CADPS2: variants seen among roughly 807,000 people sequenced by gnomAD.
CADPS2 encodes the protein calcium-dependent secretion activator 2.
CADPS2 carries 93 observed loss-of-function variants against 172.5 expected under a neutral mutation model. The ratio of observed to expected loss-of-function variants is 0.54; its 90% CI spans 0.46 to 0.64. CADPS2 has a LOEUF of 0.64. Among genes scored for constraint, CADPS2 ranks in the 30% least tolerant of loss-of-function variants. CADPS2 has a pLI of 0.00. For synonymous variants in CADPS2, 546 were observed against 555.2 expected (o/e 0.98, Z 0.23); for missense variants, 1,420 against 1,565.9 (o/e 0.91, Z 1.57).
chr7:122,732,303 A>C (rs73222408), intron 2 of CADPS2, among the ~76,000 whole-genome samples: 5,961 of 151,610 alleles, frequency 0.039, 185 homozygotes, highest in South Asian at 0.067. Flanking sequence ...CGAATATCTG[A>C]AGGTACAACC....
At chr7:122,533,423 C>T (rs1211638739) in intron 8 of CADPS2, among the ~76,000 whole-genome samples, 1 of 152,064 alleles carries the variant, frequency 6.6e-6, no homozygotes, top group African/African-American at 2.4e-5. Context: ...TCAGAAAATA[C>T]TCTTCTATTT....
chr7:122,366,100 GTT>G (rs769272635), intron 25 of CADPS2, among the ~76,000 whole-genome samples: 1 of 141,808 alleles, frequency 7.1e-6, no homozygotes. Flanking sequence ...TAGCTGTTTT[GTT>G]TTTTTTTTTG....
At chr7:122,881,556 T>G (rs1822940086) in intron 1 of CADPS2, among the ~76,000 whole-genome samples, 1 of 152,166 alleles carries the variant, frequency 6.6e-6, no homozygotes, top group African/African-American at 2.4e-5. Flanking sequence ...ACAACCCATC[T>G]CTTCTGTACT....
At chr7:122,578,819 T>G (rs1026128833) in intron 7 of CADPS2, among the ~76,000 whole-genome samples, 2 of 152,172 alleles carry the variant, frequency 1.3e-5, no homozygotes, top group South Asian at 4.1e-4. Flanking sequence ...TTATGTGAAA[T>G]GATGGTGCTT....
intron 5 of CADPS2, among the ~76,000 whole-genome samples, chr7:122,616,744 T>A (rs972910734): frequency 6.6e-6 from 1 of 152,106 alleles, no homozygotes; most frequent in South Asian, 2.1e-4. Flanking sequence ...TGGGATGAAA[T>A]ACTAAATCTT....
At chr7:122,660,997 A>G (rs79781984) in intron 3 of CADPS2, among the ~76,000 whole-genome samples, 1,871 of 152,320 alleles carry the variant, frequency 0.012, 41 homozygotes, top group African/African-American at 0.043. Context: ...AAAAGTAAAC[A>G]GATGGAGAAA....
intron 17 of CADPS2, chr7:122,427,098 T>G (rs942760770): frequency 6.6e-6 from 1 of 151,562 alleles, no homozygotes; most frequent in Non-Finnish European, 1.5e-5. Flanking sequence ...AGGAACAAAC[T>G]GAAGAAGACA....
chr7:122,555,540 C>G (rs1403558885), intron 7 of CADPS2, among the ~76,000 whole-genome samples: 1 of 151,978 alleles, frequency 6.6e-6, no homozygotes, highest in East Asian at 1.9e-4. Context: ...AAGCCATAAA[C>G]CTGAAGTTTA....
At chr7:122,353,852 GTTT>G (rs905823452) in intron 27 of CADPS2, among the ~76,000 whole-genome samples, 1 of 152,034 alleles carries the variant, frequency 6.6e-6, no homozygotes, top group Non-Finnish European at 1.5e-5. Flanking sequence ...GCTCCCACTT[GTTT>G]TTAGTCATTG....
intron 12 of CADPS2, among the ~76,000 whole-genome samples, chr7:122,475,063 A>G (rs889077576): frequency 3.9e-5 from 6 of 152,172 alleles, no homozygotes; most frequent in Non-Finnish European, 7.3e-5. Context: ...AGGGAGCATC[A>G]TGTTTGCGCA....
intron 2 of CADPS2, among the ~76,000 whole-genome samples, chr7:122,696,065 CA>C (rs1331470810): frequency 1.3e-5 from 2 of 152,140 alleles, no homozygotes; most frequent in Non-Finnish European, 2.9e-5. Context: ...TTTTCTTGGA[CA>C]AATGGTAGAA....
chr7:122,377,845 G>A (rs1358299017), intron 25 of CADPS2, among the ~76,000 whole-genome samples: 1 of 152,082 alleles, frequency 6.6e-6, no homozygotes, highest in East Asian at 1.9e-4. Flanking sequence ...ACAAAAATAA[G>A]CTGGTGAGGT....
At chr7:122,749,602 G>C (rs1029083647) in intron 1 of CADPS2, among the ~76,000 whole-genome samples, 1 of 151,944 alleles carries the variant, frequency 6.6e-6, no homozygotes, top group Non-Finnish European at 1.5e-5. Flanking sequence ...ATTAGTTATT[G>C]CATTTATATT....
At chr7:122,519,766 A>G (rs1256264373) in intron 8 of CADPS2, among the ~76,000 whole-genome samples, 2 of 152,066 alleles carry the variant, frequency 1.3e-5, no homozygotes, top group African/African-American at 2.4e-5. Flanking sequence ...TTTTGATTAT[A>G]TATTTAATAT....
chr7:122,541,888 C>T lies in CADPS2; in HGVS notation c.1475+12662G>A, dbSNP rs568955851. Among the ~76,000 whole-genome samples the T allele has an allele frequency of 7.7e-3, 1,060 of 138,192 alleles. 12 individuals are homozygous for T. The highest frequency in any genetic ancestry group is 0.027 in the African/African-American group (996 of 36,638). The allele number at this position is 138,192 out of a possible 152,430, so 90.7% of individuals were successfully genotyped here. ...ATATGCATATATATTTATATATATT[C>T]ATATATATTTATATATTCATATATA... is the stretch of plus-strand genomic sequence containing the variant. On this transcript the variant is annotated intron_variant, in intron 8 of 29. Transcript: ENST00000449022.
At chr7:122,841,845 A>G (rs913929096) in intron 1 of CADPS2, among the ~76,000 whole-genome samples, 1 of 152,214 alleles carries the variant, frequency 6.6e-6, no homozygotes, top group African/African-American at 2.4e-5. Flanking sequence ...CCTAACTCCT[A>G]TTAGAGGTAG....
At chr7:122,489,035 C>T (rs2058074112) in intron 11 of CADPS2, among the ~76,000 whole-genome samples, 1 of 151,926 alleles carries the variant, frequency 6.6e-6, no homozygotes, top group Non-Finnish European at 1.5e-5. Flanking sequence ...GACAATGCTA[C>T]TAATTTTAAA....
intron 1 of CADPS2, among the ~76,000 whole-genome samples, chr7:122,829,046 T>G (rs549461164): frequency 5.6e-4 from 85 of 152,298 alleles, no homozygotes; most frequent in African/African-American, 2.0e-3. Flanking sequence ...CATTATATAT[T>G]TAAAAGTTTC....
intron 2 of CADPS2, among the ~76,000 whole-genome samples, chr7:122,697,034 TG>T (rs982341478): frequency 1.5e-4 from 23 of 151,854 alleles, no homozygotes; most frequent in African/African-American, 5.6e-4. Flanking sequence ...AATTGGGGAG[TG>T]GGGAGAAACA....
Sources: allele counts gnomAD v4.1 joint callset (sites outside exome capture counted in the v4.1 genomes callset), GRCh38; gene constraint gnomAD v4.1.1; transcripts MANE v1.5; gene names NCBI Gene and HGNC (gene_info 2026-07-23, HGNC 2026-07-21).